PTPN2: variants seen among roughly 807,000 people sequenced by gnomAD.
PTPN2 encodes protein tyrosine phosphatase non-receptor type 2.
PTPN2 carries 19 observed loss-of-function variants against 57.3 expected under a neutral mutation model. That is an observed-to-expected ratio of 0.33 (90% CI 0.23 to 0.49). The LOEUF (loss-of-function observed/expected upper bound fraction) is 0.49, where lower values mean the gene tolerates loss of function less well. PTPN2 is among the 20% of genes least tolerant of loss of function. The probability of loss-of-function intolerance (pLI) is 0.99; values close to 1 mark genes in which losing one functional copy is unlikely to be tolerated. For synonymous variants in PTPN2, 153 were observed against 164.9 expected, an observed-to-expected ratio of 0.93 and a Z score of 0.55; for missense variants, 358 against 501.1, an observed-to-expected ratio of 0.71 and a Z score of 2.73.
chr18:12,866,056 T>C (rs2043980547), intron 1 of PTPN2, among the ~76,000 whole-genome samples: 1 of 152,192 alleles, frequency 6.6e-6, no homozygotes, highest in Admixed American at 6.5e-5. Flanking sequence ...AAATGGTATA[T>C]ATCTATATAA....
intron 2 of PTPN2, 63 bp downstream of exon 2, chr18:12,859,101 C>G (rs2043699422): frequency 1.5e-6 from 2 of 1,293,980 alleles, no homozygotes; most frequent in Non-Finnish European, 2.2e-6. Context: ...CTCCTTTTCA[C>G]TACATCCTGC....
chr18:12,874,682 TG>T (rs1224831681), intron 1 of PTPN2, among the ~76,000 whole-genome samples: 1 of 124,820 alleles, frequency 8.0e-6, no homozygotes, highest in Non-Finnish European at 1.7e-5. Context: ...GGGAGGGAGG[TG>T]GGGGGGTCAA....
intron 1 of PTPN2, among the ~76,000 whole-genome samples, chr18:12,878,322 GAAAAGAAAGA>G (rs905409474): frequency 2.2e-5 from 3 of 138,122 alleles, no homozygotes; most frequent in African/African-American, 2.7e-5. Flanking sequence ...GTCTCAAAAA[GAAAAGAAAGA>G]AAAAGAAAAA....
intron 7 of PTPN2, among the ~76,000 whole-genome samples, chr18:12,809,561 C>A (rs1007217513): frequency 2.0e-5 from 3 of 152,206 alleles, no homozygotes; most frequent in Admixed American, 6.5e-5. Context: ...ATGACTGACA[C>A]TGGCCCAAAT....
At position 12,786,076 on chromosome 18, in the gene PTPN2, A is replaced by G. The variant is rs2040837286; in HGVS notation, c.1143-232T>C. The G allele has an allele frequency of 5.8e-6, 3 of 519,392 alleles. No individual in the cohort carries two copies. The Admixed American group carries it at 1.2e-4, about 21-fold the overall frequency. The allele number at this position is 519,392 out of a possible 1,614,324, so 32.2% of individuals were successfully genotyped here. ...GTGTGACGCGGCCTCATGTGGAAGC[A>G]TCGTGACTTATATTCTTCTTCAAGA... On this transcript the variant is annotated intron_variant, in intron 9 of 9. Coordinates refer to the PTPN2 transcript ENST00000327283.
At chr18:12,820,015 C>G (rs550014424) in intron 5 of PTPN2, among the ~76,000 whole-genome samples, 2 of 152,332 alleles carry the variant, frequency 1.3e-5, no homozygotes, top group East Asian at 1.9e-4. Flanking sequence ...AGTACCCCTA[C>G]GGGGTCCTGC....
At chr18:12,809,503 G>A (rs749784462) in intron 7 of PTPN2, among the ~76,000 whole-genome samples, 1 of 152,178 alleles carries the variant, frequency 6.6e-6, no homozygotes, top group Non-Finnish European at 1.5e-5. Flanking sequence ...TCTGCCAGTG[G>A]CAAGTGGTAG....
chr18:12,793,696 C>T lies in PTPN2; in HGVS notation c.*582G>A, dbSNP rs373470219. On this transcript the variant is annotated 3_prime_UTR_variant, in exon 9 of 9. Coordinates refer to ENST00000309660, the MANE Select transcript of PTPN2 (RefSeq NM_002828.4). ...TATCCAGTACAATTCAATCGACATA[C>T]AATTTATTTTTTTAGTAACAGATTT... 32 of 981,576 alleles carry T rather than the reference C, an allele frequency of 3.3e-5. No individual in the cohort carries two copies. The East Asian group carries it at 2.7e-3, about 82-fold the overall frequency. 60.8% of individuals were successfully genotyped at this position (981,576 alleles called of 1,614,324 possible). A position where few individuals can be genotyped will look rare whatever the true frequency, so the allele number is the denominator to read the frequency against.
At chr18:12,873,124 G>A (rs753282193) in intron 1 of PTPN2, among the ~76,000 whole-genome samples, 21 of 152,036 alleles carry the variant, frequency 1.4e-4, no homozygotes, top group Non-Finnish European at 2.8e-4. Flanking sequence ...GGGAGGCTGA[G>A]GCAGGAGAAT....
At chr18:12,785,525 A>C in exon 10 of PTPN2, 1 of 444,584 alleles carries the variant, frequency 2.2e-6, no homozygotes, top group Admixed American at 4.4e-5. Context: ...ATAAAAATAC[A>C]GTAGGAATGG....
rs543752635 is a variant in PTPN2 at position 12,792,388 on chromosome 18, T to C, written c.*1890A>G. 1 of 257,644 alleles carries C rather than the reference T, an allele frequency of 3.9e-6. No homozygotes were observed. Among genetic ancestry groups the C allele is most frequent in the East Asian group, 1.8e-4 (1 of 5,628 alleles). The allele number at this position is 257,644 out of a possible 1,614,324, so 16.0% of individuals were successfully genotyped here. On this transcript the variant is annotated 3_prime_UTR_variant, in exon 9 of 9. Transcript: ENST00000309660. ...ACCTCTGCCTCCCGGGTTCAAGTGA[T>C]TCTCCTGCCTTAGCCTCCCAAGGAG...
intron 1 of PTPN2, among the ~76,000 whole-genome samples, chr18:12,876,296 A>AAAGAAG (rs71174150): frequency 0.018 from 2,630 of 145,172 alleles, 94 homozygotes; most frequent in African/African-American, 0.063. Flanking sequence ...ACAACAACAA[A>AAAGAAG]AAGAAGAAGA....
chr18:12,869,199 CAA>C (rs1016969250), intron 1 of PTPN2: 2 of 152,172 alleles, frequency 1.3e-5, no homozygotes, highest in African/African-American at 4.8e-5. Flanking sequence ...ATTTTTGAGA[CAA>C]AGTCTTGCCT....
intron 6 of PTPN2, 77 bp from the exon 7 acceptor site, chr18:12,814,432 A>C (rs1445489090): frequency 7.8e-7 from 1 of 1,279,114 alleles, no homozygotes; most frequent in East Asian, 2.5e-5. Context: ...ATCATTGCTA[A>C]GATTTTTGCT....
At chr18:12,866,620 T>G (rs2145497181) in intron 1 of PTPN2, among the ~76,000 whole-genome samples, 1 of 152,094 alleles carries the variant, frequency 6.6e-6, no homozygotes, top group South Asian at 2.1e-4. Context: ...CTCCTTGGGG[T>G]GTTGAAAATA....
intron 1 of PTPN2, among the ~76,000 whole-genome samples, chr18:12,867,565 C>G (rs2044036082): frequency 6.6e-6 from 1 of 152,110 alleles, no homozygotes; most frequent in Non-Finnish European, 1.5e-5. Context: ...AGATATGTGC[C>G]AAGTCTTCAT....
intron 3 of PTPN2, among the ~76,000 whole-genome samples, chr18:12,834,165 A>G (rs2042767139): frequency 6.6e-6 from 1 of 152,130 alleles, no homozygotes; most frequent in Non-Finnish European, 1.5e-5. Flanking sequence ...TGTCTCTACT[A>G]AAAATACAGA....
chr18:12,842,640 T>A (rs928329008), intron 2 of PTPN2, among the ~76,000 whole-genome samples: 13 of 152,062 alleles, frequency 8.5e-5, no homozygotes, highest in African/African-American at 3.1e-4. Context: ...CTGAGGGACA[T>A]GAAGAATGTG....
chr18:12,831,054 A>G lies in PTPN2; in HGVS notation c.262-13T>C. Reference sequence around the variant, plus strand: ...TAGGAAGTGGACCCTGTGAAGAGAGAGGAGAGAGAGCAGATGAGGGAAGCA... The same window carrying G: ...TAGGAAGTGGACCCTGTGAAGAGAGGGGAGAGAGAGCAGATGAGGGAAGCA... On this transcript the variant is annotated splice_polypyrimidine_tract_variant and intron_variant, in intron 3 of 8. Transcript: ENST00000309660. The G allele has an allele frequency of 6.4e-7, 1 of 1,559,836 alleles. No homozygotes were observed. Among genetic ancestry groups the G allele is most frequent in the Non-Finnish European group, 8.8e-7 (1 of 1,131,804 alleles).
Sources: gnomAD v4.1 joint callset for allele counts (sites outside exome capture counted in the v4.1 genomes callset) on GRCh38, gnomAD v4.1.1 for gene constraint, MANE v1.5 for transcripts, NCBI Gene and HGNC (gene_info 2026-07-23, HGNC 2026-07-21) for gene names.